C2orf42: variants seen among roughly 807,000 people sequenced by gnomAD.
The protein encoded by C2orf42 is chromosome 2 open reading frame 42.
A neutral mutation model predicts 58.9 loss-of-function variants in C2orf42; 44 were observed. The ratio of observed to expected loss-of-function variants is 0.75; its 90% CI spans 0.59 to 0.96. The LOEUF is 0.96. C2orf42 is among the 40% of genes least tolerant of loss of function. The pLI is 0.00. For synonymous variants in C2orf42, 239 were observed against 265.4 expected (o/e 0.90, Z 0.97); for missense variants, 630 against 699.2 (o/e 0.90, Z 1.12).
At position 70,158,958 on chromosome 2, in the gene C2orf42, A is replaced by G. The variant is rs1467852288; in HGVS notation, c.1516+1667T>C. On this transcript the variant is annotated intron_variant, in intron 9 of 9. Coordinates refer to ENST00000264434, the MANE Select transcript of C2orf42 (RefSeq NM_017880.3). ...TGCTCTGTTGCCCAGGCTGGAGTGC[A>G]TGGAGTGCAGTGGCGCGATCTCGGC... 7.2e-5 allele frequency among the ~76,000 whole-genome samples: 9 copies of G among 124,146 alleles called. No individual in the cohort carries two copies. The East Asian group carries it at 1.7e-3, about 23-fold the overall frequency. 81.4% of individuals were successfully genotyped at this position (124,146 alleles called of 152,430 possible). A position where few individuals can be genotyped will look rare whatever the true frequency, so the allele number is the denominator to read the frequency against.
intron 9 of C2orf42, among the ~76,000 whole-genome samples, chr2:70,158,098 C>T (rs562624023): frequency 6.6e-6 from 1 of 151,618 alleles, no homozygotes; most frequent in Non-Finnish European, 1.5e-5. Flanking sequence ...ACTCAGGAGG[C>T]TGAGGCAGGA....
chr2:70,186,174 G>C (rs1396840636), intron 1 of C2orf42, among the ~76,000 whole-genome samples: 2 of 151,828 alleles, frequency 1.3e-5, no homozygotes, highest in African/African-American at 4.8e-5. Context: ...TTAGAATATT[G>C]TTCCAAAGTC....
chr2:70,150,187 C>A lies in C2orf42; in HGVS notation c.*169G>T. The A allele has an allele frequency of 1.6e-6, 1 of 623,212 alleles. No individual in the cohort carries two copies. Among genetic ancestry groups the A allele is most frequent in the Non-Finnish European group, 2.8e-6 (1 of 351,920 alleles). The allele number at this position is 623,212 out of a possible 1,614,324, so 38.6% of individuals were successfully genotyped here. A position where few individuals can be genotyped will look rare whatever the true frequency, so the allele number is the denominator to read the frequency against. ...ACAGCAGCATCAAAAAGGCTATTTA[C>A]AAGAGATTTTCTTCAACAGAATCCA... On this transcript the variant is annotated 3_prime_UTR_variant, in exon 10 of 10. Transcript: ENST00000264434.
At chr2:70,172,223 CAAAA>C (rs1171174664) in intron 5 of C2orf42, among the ~76,000 whole-genome samples, 3 of 58,196 alleles carry the variant, frequency 5.2e-5, no homozygotes, top group Admixed American at 1.6e-4. Flanking sequence ...GACTCTGTCT[CAAAA>C]AAAAAAAAAA....
At chr2:70,172,855 G>A (rs1425167110) in intron 5 of C2orf42, among the ~76,000 whole-genome samples, 4 of 151,974 alleles carry the variant, frequency 2.6e-5, no homozygotes, top group Admixed American at 6.6e-5. Flanking sequence ...TGCACCAAAG[G>A]AAGTGACAAA....
chr2:70,172,730 T>C (rs1673912422), intron 5 of C2orf42, among the ~76,000 whole-genome samples: 3 of 152,144 alleles, frequency 2.0e-5, no homozygotes, highest in Admixed American at 1.3e-4. Context: ...GTGTCTGAAG[T>C]ACAGTATCAC....
chr2:70,161,408 G>A (rs1345064257), intron 8 of C2orf42, among the ~76,000 whole-genome samples: 1 of 152,204 alleles, frequency 6.6e-6, no homozygotes, highest in Non-Finnish European at 1.5e-5. Flanking sequence ...TGCACCCTGA[G>A]TTGCTTCAGT....
chr2:70,165,419 A>G (rs1558663453), intron 7 of C2orf42, 109 bp downstream of exon 7: 3 of 693,008 alleles, frequency 4.3e-6, no homozygotes, highest in Non-Finnish European at 7.7e-6. Context: ...ACATGTGAGT[A>G]GAAGTCCTAA....
At chr2:70,163,255 T>A (rs2104875374) in intron 8 of C2orf42, among the ~76,000 whole-genome samples, 1 of 151,620 alleles carries the variant, frequency 6.6e-6, no homozygotes, top group Middle Eastern at 3.4e-3. Context: ...CATACATATA[T>A]ATTTTTTGAG....
rs191221696 is a variant in C2orf42 at position 70,176,418 on chromosome 2, C to T, written c.935-641G>A. Among the ~76,000 whole-genome samples the T allele has an allele frequency of 7.0e-3, 1,062 of 151,800 alleles. 13 individuals are homozygous for T. The highest frequency in any genetic ancestry group is 0.025 in the African/African-American group (1,018 of 41,444). The stretch of plus-strand genomic sequence containing the variant: ...ACTCAGGAGGCTGAGGCAGGAGAAT[C>T]GCCTGAACCCAGGAGGCGGAGCTTG... On this transcript the variant is annotated intron_variant, in intron 4 of 9. Coordinates refer to ENST00000264434, the MANE Select transcript of C2orf42 (RefSeq NM_017880.3).
chr2:70,158,723 T>C (rs190637034), intron 9 of C2orf42, among the ~76,000 whole-genome samples: 112 of 150,350 alleles, frequency 7.4e-4, no homozygotes, highest in Non-Finnish European at 1.2e-3. Flanking sequence ...GCTGGAATTA[T>C]AGGCATGAGT....
chr2:70,157,312 G>A (rs183543447), intron 9 of C2orf42, among the ~76,000 whole-genome samples: 1,670 of 152,068 alleles, frequency 0.011, 16 homozygotes, highest in Admixed American at 0.013. Context: ...AAATTAGCCG[G>A]GCGAGGTGGC....
In C2orf42 at chr2:70,169,600, A is replaced by G; in HGVS notation, c.1101T>C (p.Ser367=). ...VTLSFQDWLA[S]VTERIHQTMH... ...TGGTTTGATGGATGCGTTCTGTGAC[A>G]CTGGCCAGCCAGTCTTGGAAGGATA... Residue 367 remains serine (S), a synonymous_variant, in exon 6 of 10, where the codon AGT becomes AGC. Transcript: ENST00000264434. 6.2e-7 allele frequency: 1 copy of G among 1,610,598 alleles called. No homozygotes were observed. Among genetic ancestry groups the G allele is most frequent in the Non-Finnish European group, 8.5e-7 (1 of 1,176,892 alleles).
At chr2:70,174,740 G>C (rs755692313) in intron 5 of C2orf42, among the ~76,000 whole-genome samples, 10 of 148,726 alleles carry the variant, frequency 6.7e-5, no homozygotes, top group Non-Finnish European at 1.3e-4. Context: ...GTGCGATCTT[G>C]GCTCACTGCA....
At chr2:70,159,054 A>G (rs914337636) in intron 9 of C2orf42, among the ~76,000 whole-genome samples, 4 of 146,396 alleles carry the variant, frequency 2.7e-5, no homozygotes, top group Non-Finnish European at 4.5e-5. Flanking sequence ...CGCCCAGCTA[A>G]TTTTTTGTAT....
intron 5 of C2orf42, among the ~76,000 whole-genome samples, chr2:70,171,520 CT>C (rs919066704): frequency 2.6e-5 from 4 of 151,574 alleles, no homozygotes; most frequent in African/African-American, 9.7e-5. Context: ...AATGAATTCA[CT>C]TTTTTTTGAG....
chr2:70,172,931 G>C (rs6749756), intron 5 of C2orf42, among the ~76,000 whole-genome samples: 22,545 of 152,078 alleles, frequency 0.15, 2,665 homozygotes, highest in African/African-American at 0.32. Context: ...GGGAGGCCAA[G>C]GCAGGCGGAT....
At chr2:70,173,474 A>AC (rs1383930237) in intron 5 of C2orf42, among the ~76,000 whole-genome samples, 1 of 151,790 alleles carries the variant, frequency 6.6e-6, no homozygotes, top group African/African-American at 2.4e-5. Context: ...ACAGGGTTTT[A>AC]CCATGTTGGC....
intron 9 of C2orf42, among the ~76,000 whole-genome samples, chr2:70,152,616 C>A (rs1672378105): frequency 6.6e-6 from 1 of 152,168 alleles, no homozygotes; most frequent in African/African-American, 2.4e-5. Context: ...AGTACTTGTA[C>A]AGAGCAGCAA....
Sources: gnomAD v4.1 joint callset for allele counts (sites outside exome capture counted in the v4.1 genomes callset) on GRCh38, gnomAD v4.1.1 for gene constraint, MANE v1.5 for transcripts, NCBI Gene and HGNC (gene_info 2026-07-23, HGNC 2026-07-21) for gene names.